CWF19L2: variants seen among roughly 807,000 people sequenced by gnomAD.
CWF19L2 encodes CWF19-like protein 2.
Under a neutral mutation model 111.7 loss-of-function variants are expected in CWF19L2, and 98 were observed. That is an observed-to-expected ratio of 0.88 (90% CI 0.75 to 1.04). The LOEUF (loss-of-function observed/expected upper bound fraction) is 1.04. Ranked by LOEUF, CWF19L2 falls within the 50% of genes least tolerant of loss-of-function variation. The pLI is 0.00. For missense variants in CWF19L2, 1,101 were observed against 1,051.4 expected, an observed-to-expected ratio of 1.05 and a Z score of -0.65; for synonymous variants, 351 against 342.9, an observed-to-expected ratio of 1.02 and a Z score of -0.26.
At chr11:107,361,193 C>G (rs1051901375) in intron 12 of CWF19L2, among the ~76,000 whole-genome samples, 1 of 152,208 alleles carries the variant, frequency 6.6e-6, no homozygotes, top group South Asian at 2.1e-4. Flanking sequence ...TTTCCCAGCA[C>G]CATTTACTGA....
At chr11:107,392,590 T>G (rs1860864408) in intron 11 of CWF19L2, among the ~76,000 whole-genome samples, 189 bp downstream of exon 11, 1 of 152,216 alleles carries the variant, frequency 6.6e-6, no homozygotes, top group African/African-American at 2.4e-5. Flanking sequence ...ATAGTTGGAT[T>G]AGTTTCCATT....
At chr11:107,358,886 T>G (rs887702956) in intron 12 of CWF19L2, among the ~76,000 whole-genome samples, 5 of 152,062 alleles carry the variant, frequency 3.3e-5, no homozygotes, top group African/African-American at 1.2e-4. Context: ...CTCCCCAACA[T>G]CATATTTGGC....
chr11:107,345,441 T>C (rs780387877), intron 14 of CWF19L2: 19 of 452,148 alleles, frequency 4.2e-5, no homozygotes, highest in South Asian at 3.0e-4. Flanking sequence ...TTCATGTTTG[T>C]TCATACTCCC....
chr11:107,390,300 G>T, intron 11 of CWF19L2, 89 bp from the exon 12 acceptor site: 2 of 1,073,830 alleles, frequency 1.9e-6, no homozygotes, highest in Non-Finnish European at 2.6e-6. Flanking sequence ...GATGTTAAAT[G>T]TAAAAATCCC....
chr11:107,356,987 G>A (rs1299676338), intron 12 of CWF19L2, among the ~76,000 whole-genome samples: 2 of 152,100 alleles, frequency 1.3e-5, no homozygotes, highest in Non-Finnish European at 2.9e-5. Flanking sequence ...GCTGTGGGCC[G>A]AAATCACGCC....
At chr11:107,432,879 T>A (rs1861484006) in intron 7 of CWF19L2, among the ~76,000 whole-genome samples, 1 of 152,134 alleles carries the variant, frequency 6.6e-6, no homozygotes, top group African/African-American at 2.4e-5. Context: ...AGCACAGTGC[T>A]ATCTAACAAG....
intron 10 of CWF19L2, among the ~76,000 whole-genome samples, chr11:107,405,679 T>C (rs1328474653): frequency 6.6e-6 from 1 of 151,922 alleles, no homozygotes; most frequent in Non-Finnish European, 1.5e-5. Flanking sequence ...GGGAAAGAAA[T>C]GAGATGAGCC....
At chr11:107,361,741 T>C (rs545372084) in intron 12 of CWF19L2, among the ~76,000 whole-genome samples, 5 of 152,208 alleles carry the variant, frequency 3.3e-5, no homozygotes, top group Admixed American at 6.5e-5. Context: ...CTATTGTAAA[T>C]GGGATTACCT....
intron 12 of CWF19L2, among the ~76,000 whole-genome samples, chr11:107,358,345 A>T (rs868479005): frequency 3.8e-3 from 339 of 89,056 alleles, no homozygotes; most frequent in African/African-American, 0.015. Context: ...TGATGAGCTA[A>T]AAAAAAAAAA....
chr11:107,353,221 C>G (rs1354564596), intron 13 of CWF19L2, among the ~76,000 whole-genome samples: 1 of 152,014 alleles, frequency 6.6e-6, no homozygotes, highest in East Asian at 1.9e-4. Flanking sequence ...TCAACTTTTC[C>G]CCAGTGACTA....
At chr11:107,390,620 A>G (rs1366208969) in intron 11 of CWF19L2, among the ~76,000 whole-genome samples, 1 of 152,230 alleles carries the variant, frequency 6.6e-6, no homozygotes, top group Non-Finnish European at 1.5e-5. Context: ...CAAATCCACT[A>G]CTATGAATTT....
intron 10 of CWF19L2, among the ~76,000 whole-genome samples, chr11:107,393,422 C>T (rs1452896910): frequency 2.0e-5 from 3 of 152,088 alleles, no homozygotes; most frequent in African/African-American, 7.2e-5. Flanking sequence ...ATTTTTCTTA[C>T]AAACTTTTGG....
Position 107,390,207 on chromosome 11 carries a change from G to A in CWF19L2, c.1739C>T (p.Ser580Leu), listed in dbSNP as rs759104346. Residue 580 changes from serine (S) to leucine (L), a missense_variant, in exon 12 of 18, where the codon TCA (serine) becomes TTA (leucine). By Grantham distance (145) the Ser-to-Leu change is moderately radical. Coordinates refer to ENST00000282251, the MANE Select transcript of CWF19L2 (RefSeq NM_152434.3). The part of the protein sequence containing the change: ...QGGRRKRQMV[S>L]THEERERVRY... ...GACCCTTTCTCTTTCCTCATGGGTT[G>A]AAACCTATGACAAAATGAACATTAT... 2.6e-5 allele frequency: 41 copies of A among 1,595,902 alleles called. No homozygotes were observed. Among genetic ancestry groups the A allele is most frequent in the Non-Finnish European group, 3.4e-5 (40 of 1,171,530 alleles).
chr11:107,343,624 T>G (rs1349849900), intron 14 of CWF19L2, among the ~76,000 whole-genome samples: 2 of 152,142 alleles, frequency 1.3e-5, no homozygotes, highest in African/African-American at 4.8e-5. Context: ...TTCTGTTTGT[T>G]CTTTCTATTG....
intron 6 of CWF19L2, among the ~76,000 whole-genome samples, chr11:107,434,320 T>A (rs932683915): frequency 2.0e-5 from 3 of 152,196 alleles, no homozygotes; most frequent in Non-Finnish European, 4.4e-5. Context: ...ACTTTAGTCA[T>A]AATTACCAAC....
At position 107,428,872 on chromosome 11, in the gene CWF19L2, A is replaced by G. The variant is rs144073973; in HGVS notation, c.1360T>C (p.Ser454Pro). ...QHVPEDPREK[S>P]QDEVLRDDPP... ...TCATCTCTCAAGACTTCATCTTGTG[A>G]TTTTTCTCTTGGGTCTTCTGGAACA... Residue 454 changes from serine (S) to proline (P), a missense_variant, in exon 8 of 18, where the codon TCA becomes CCA. By Grantham distance (74) the Ser-to-Pro change is moderately conservative (BLOSUM62 -1). Coordinates refer to ENST00000282251, the MANE Select transcript of CWF19L2 (RefSeq NM_152434.3). 4 of 1,613,350 alleles carry G rather than the reference A, an allele frequency of 2.5e-6. No homozygotes were observed. The African/African-American group carries it at 5.3e-5, about 22-fold the overall frequency.
chr11:107,339,790 C>A (rs531123378), intron 14 of CWF19L2, among the ~76,000 whole-genome samples: 22 of 151,828 alleles, frequency 1.4e-4, no homozygotes, highest in African/African-American at 5.1e-4. Flanking sequence ...CTTGGCCCCC[C>A]CACAACAGCT....
chr11:107,330,218 C>A (rs1859825165), intron 16 of CWF19L2, among the ~76,000 whole-genome samples, 199 bp from the exon 17 acceptor site: 1 of 152,124 alleles, frequency 6.6e-6, no homozygotes. Flanking sequence ...AGCCTTTCAG[C>A]CAGATAGTTC....
chr11:107,441,325 T>G (rs529770603), intron 5 of CWF19L2, among the ~76,000 whole-genome samples, 178 bp downstream of exon 5: 113 of 152,306 alleles, frequency 7.4e-4, no homozygotes, highest in African/African-American at 2.6e-3. Flanking sequence ...TTAAACTCAC[T>G]TCCTATAGGA....
Sources: gnomAD v4.1 joint callset for allele counts (sites outside exome capture counted in the v4.1 genomes callset) on GRCh38, gnomAD v4.1.1 for gene constraint, MANE v1.5 for transcripts, NCBI Gene and HGNC (gene_info 2026-07-23, HGNC 2026-07-21) for gene names.